The following CACNA2D3 variants were observed in gnomAD, a reference collection of about 807,000 sequenced individuals.
CACNA2D3 encodes the protein calcium voltage-gated channel auxiliary subunit alpha2delta 3, also known as voltage-dependent calcium channel subunit alpha-2/delta-3.
Under a neutral mutation model 160.6 loss-of-function variants are expected in CACNA2D3, and 60 were observed. The observed-to-expected ratio is 0.37, with a 90% CI of 0.30 to 0.46. The LOEUF is 0.46. CACNA2D3 is among the 20% of genes least tolerant of loss of function. The pLI is 1.00. For missense variants in CACNA2D3, 1,205 were observed against 1,365.0 expected, an observed-to-expected ratio of 0.88 and a Z score of 1.85; for synonymous variants, 558 against 492.9, an observed-to-expected ratio of 1.13 and a Z score of -1.75.
intron 4 of CACNA2D3, among the ~76,000 whole-genome samples, chr3:54,457,610 T>C (rs945954485): frequency 6.6e-6 from 1 of 152,002 alleles, no homozygotes; most frequent in Non-Finnish European, 1.5e-5. Context: ...TTTTTTTTAT[T>C]GATTTTCTGT....
chr3:54,828,738 G>C (rs969893179), intron 14 of CACNA2D3, among the ~76,000 whole-genome samples: 1 of 152,136 alleles, frequency 6.6e-6, no homozygotes, highest in African/African-American at 2.4e-5. Flanking sequence ...AGTTCAAAGA[G>C]GGAAATCTGT....
chr3:54,802,551 G>C (rs1253465748), intron 13 of CACNA2D3, among the ~76,000 whole-genome samples: 1 of 152,156 alleles, frequency 6.6e-6, no homozygotes, highest in East Asian at 1.9e-4. Context: ...ATAAAATCTA[G>C]TTGTGATCTG....
Position 54,515,048 on chromosome 3 carries a change from C to T in CACNA2D3, c.544+11394C>T, listed in dbSNP as rs551212293. On this transcript the variant is annotated intron_variant, in intron 5 of 37. Transcript: ENST00000474759. ...CATGGAACGTCTCAGAAGGTATGGA[C>T]GTTTCCTGGGACCAAGAGATTCTGC... is the stretch of plus-strand genomic sequence containing the variant. Among the ~76,000 whole-genome samples, 10 of 152,244 alleles carry T rather than the reference C, an allele frequency of 6.6e-5. 1 individual carries two copies. The South Asian group carries it at 1.2e-3, about 19-fold the overall frequency.
At chr3:54,980,374 G>C (rs6784875) in intron 29 of CACNA2D3, among the ~76,000 whole-genome samples, 1 of 152,134 alleles carries the variant, frequency 6.6e-6, no homozygotes, top group Non-Finnish European at 1.5e-5. Flanking sequence ...TCCACACACA[G>C]AATTTCTTTT....
intron 3 of CACNA2D3, among the ~76,000 whole-genome samples, chr3:54,336,004 C>CAAAAAAA (rs60465412): frequency 5.4e-5 from 4 of 74,538 alleles, no homozygotes; most frequent in African/African-American, 1.5e-4. Flanking sequence ...GACTCCGTCT[C>CAAAAAAA]AAAAAAAAAA....
At chr3:54,526,766 C>G (rs903538724) in intron 5 of CACNA2D3, among the ~76,000 whole-genome samples, 18 of 152,208 alleles carry the variant, frequency 1.2e-4, no homozygotes, top group African/African-American at 4.3e-4. Flanking sequence ...TCTCAGCTCA[C>G]TGCAACCTCC....
chr3:54,186,786 A>G (rs1054084443), intron 2 of CACNA2D3, among the ~76,000 whole-genome samples: 4 of 152,174 alleles, frequency 2.6e-5, no homozygotes, highest in African/African-American at 9.7e-5. Flanking sequence ...TTAAATGGGA[A>G]TGAGACCTTA....
chr3:54,892,485 G>C (rs997979025), intron 25 of CACNA2D3, among the ~76,000 whole-genome samples: 5 of 152,136 alleles, frequency 3.3e-5, no homozygotes, highest in African/African-American at 9.7e-5. Context: ...ATCAATCAAT[G>C]TTTAGGTATT....
Position 54,362,982 on chromosome 3 carries a change from G to A in CACNA2D3, c.322-23733G>A, listed in dbSNP as rs143765998. Among the ~76,000 whole-genome samples the A allele has an allele frequency of 5.5e-3, 842 of 152,204 alleles. 5 individuals carry two copies. The highest frequency in any genetic ancestry group is 9.0e-3 in the Non-Finnish European group (611 of 67,998). On this transcript the variant is annotated intron_variant, in intron 3 of 37. Transcript: ENST00000474759. ...GAGGCTGAGGCAAGTGGATCATGAG[G>A]TCAGGAGATTGAGACCATCCTGGTC...
chr3:54,159,435 G>A (rs929661189), intron 2 of CACNA2D3, among the ~76,000 whole-genome samples: 1 of 152,110 alleles, frequency 6.6e-6, no homozygotes, highest in Non-Finnish European at 1.5e-5. Flanking sequence ...TATAATAAGT[G>A]ATGCAGTTTA....
intron 8 of CACNA2D3, among the ~76,000 whole-genome samples, chr3:54,577,005 C>T (rs1702595206): frequency 6.6e-6 from 1 of 152,028 alleles, no homozygotes. Context: ...CCACTGCACT[C>T]CAGCCTGGGT....
intron 19 of CACNA2D3, 37 bp downstream of exon 19, chr3:54,879,126 A>C (rs1699732036): frequency 1.5e-6 from 2 of 1,348,876 alleles, no homozygotes; most frequent in Non-Finnish European, 2.1e-6. Flanking sequence ...GCTTAATTTA[A>C]AACAAACCAC....
intron 9 of CACNA2D3, among the ~76,000 whole-genome samples, chr3:54,608,024 T>C (rs76943626): frequency 0.037 from 5,688 of 152,176 alleles, 337 homozygotes; most frequent in African/African-American, 0.13. Context: ...TATAGGGCGA[T>C]AAAGGGTTAT....
intron 11 of CACNA2D3, among the ~76,000 whole-genome samples, chr3:54,743,510 A>T (rs542144510): frequency 3.3e-5 from 5 of 152,310 alleles, no homozygotes; most frequent in Non-Finnish European, 5.9e-5. Flanking sequence ...GTACAATGGG[A>T]AGGCACTGGA....
intron 5 of CACNA2D3, among the ~76,000 whole-genome samples, chr3:54,560,875 A>G (rs1451518405): frequency 6.6e-6 from 1 of 152,082 alleles, no homozygotes; most frequent in Admixed American, 6.6e-5. Flanking sequence ...TGTCAAAGAT[A>G]AGATAGTTGT....
At chr3:54,513,136 A>G (rs1421806217) in intron 5 of CACNA2D3, among the ~76,000 whole-genome samples, 1 of 152,202 alleles carries the variant, frequency 6.6e-6, no homozygotes, top group Non-Finnish European at 1.5e-5. Flanking sequence ...AAACCATATC[A>G]GGCTTTAAGT....
intron 8 of CACNA2D3, among the ~76,000 whole-genome samples, chr3:54,581,477 A>G (rs1575359050): frequency 6.6e-6 from 1 of 152,190 alleles, no homozygotes; most frequent in Non-Finnish European, 1.5e-5. Flanking sequence ...CACCAGGACC[A>G]TGGGCTGTCA....
At chr3:54,556,405 G>A (rs572677444) in intron 5 of CACNA2D3, among the ~76,000 whole-genome samples, 11 of 152,226 alleles carry the variant, frequency 7.2e-5, no homozygotes, top group Admixed American at 5.9e-4. Context: ...AGGACGGCAG[G>A]CGAGCACCAG....
chr3:54,878,204 CAA>C (rs934064120), intron 18 of CACNA2D3, among the ~76,000 whole-genome samples: 22 of 152,046 alleles, frequency 1.4e-4, no homozygotes, highest in African/African-American at 5.3e-4. Flanking sequence ...ATGAAAAAGA[CAA>C]GAGAGGGGTG....
Sources: allele counts gnomAD v4.1 joint callset (sites outside exome capture counted in the v4.1 genomes callset), GRCh38; gene constraint gnomAD v4.1.1; transcripts MANE v1.5; gene names NCBI Gene and HGNC (gene_info 2026-07-23, HGNC 2026-07-21).